The following ADGRB3 variants were observed in gnomAD, a reference collection of about 807,000 sequenced individuals.
ADGRB3 encodes the protein adhesion G protein-coupled receptor B3.
Under a neutral mutation model 193.4 loss-of-function variants are expected in ADGRB3, and 37 were observed. That is an observed-to-expected ratio of 0.19 (90% CI 0.15 to 0.25). ADGRB3 has a LOEUF of 0.25. Among genes scored for constraint, ADGRB3 ranks in the 10% least tolerant of loss-of-function variants. The probability of loss-of-function intolerance (pLI) is 1.00; values close to 1 mark genes in which losing one functional copy is unlikely to be tolerated. For missense variants in ADGRB3, 1,637 were observed against 1,852.9 expected (o/e 0.88, Z 2.14); for synonymous variants, 690 against 644.2 (o/e 1.07, Z -1.08).
intron 17 of ADGRB3, among the ~76,000 whole-genome samples, chr6:69,204,618 A>T (rs767653344): frequency 7.2e-5 from 11 of 152,194 alleles, no homozygotes; most frequent in Non-Finnish European, 1.0e-4. Context: ...TTTGAAAAAT[A>T]CATGAAGAGC....
intron 3 of ADGRB3, among the ~76,000 whole-genome samples, chr6:68,709,196 G>A (rs1173970536): frequency 6.6e-6 from 1 of 152,168 alleles, no homozygotes; most frequent in African/African-American, 2.4e-5. Context: ...ATGAGATGCA[G>A]ATACTTTAGA....
In ADGRB3 at chr6:68,638,672, T is replaced by C; in HGVS notation, c.-4T>C. 1 of 1,603,764 alleles carries C rather than the reference T, an allele frequency of 6.2e-7. No homozygotes were observed. The highest frequency in any genetic ancestry group is 8.5e-7 in the Non-Finnish European group (1 of 1,175,020). The stretch of plus-strand genomic sequence containing the variant: ...TGCCATTTTTACAGGCCAAATGACA[T>C]AGGATGAAGGCTGTTCGTAACCTGC... On this transcript the variant is annotated 5_prime_UTR_variant, in exon 3 of 32. An upstream open reading frame in the 5' UTR loses its in-frame stop. Coordinates refer to ENST00000370598, the MANE Select transcript of ADGRB3 (RefSeq NM_001704.3).
rs376899800 is a variant in ADGRB3 at position 69,043,332 on chromosome 6, G to GAAAGAA, written c.2108-4852_2108-4851insAAGAAA. On this transcript the variant is annotated intron_variant, in intron 13 of 31. Coordinates refer to ENST00000370598, the MANE Select transcript of ADGRB3 (RefSeq NM_001704.3). ...AGAAAGAAAGAAAGAAAGAAAGAAA[G>GAAAGAA]AGAAAGAAAAGAAGATTAAGTAAAA... 9.0e-5 allele frequency among the ~76,000 whole-genome samples: 12 copies of GAAAGAA among 133,806 alleles called. 1 individual carries two copies. Among genetic ancestry groups the GAAAGAA allele is most frequent in the South Asian group, 2.6e-4 (1 of 3,846 alleles). The allele number at this position is 133,806 out of a possible 152,430, so 87.8% of individuals were successfully genotyped here. A position where few individuals can be genotyped will look rare whatever the true frequency, so the allele number is the denominator to read the frequency against.
intron 17 of ADGRB3, among the ~76,000 whole-genome samples, chr6:69,224,613 T>A (rs1352743520): frequency 2.6e-5 from 4 of 152,176 alleles, no homozygotes; most frequent in Non-Finnish European, 5.9e-5. Context: ...ACCTTGGAAA[T>A]CTTTTTTAAT....
chr6:68,768,889 A>G (rs1228940128), intron 3 of ADGRB3, among the ~76,000 whole-genome samples: 1 of 152,224 alleles, frequency 6.6e-6, no homozygotes, highest in African/African-American at 2.4e-5. Flanking sequence ...ATATGAACAG[A>G]CACTTCTCAA....
intron 28 of ADGRB3, among the ~76,000 whole-genome samples, chr6:69,357,831 A>T (rs1407953781): frequency 1.3e-5 from 2 of 151,892 alleles, no homozygotes; most frequent in African/African-American, 2.4e-5. Context: ...GTCAGGATGC[A>T]GTCTCACTAG....
chr6:68,635,343 C>G lies in ADGRB3; in HGVS notation c.-845C>G, dbSNP rs1183537955. 1 of 152,184 alleles carries G rather than the reference C, an allele frequency of 6.6e-6. No homozygotes were observed. Among genetic ancestry groups the G allele is most frequent in the African/African-American group, 2.4e-5 (1 of 41,516 alleles). The allele number at this position is 152,184 out of a possible 1,614,324, so 9.4% of individuals were successfully genotyped here. On this transcript the variant is annotated 5_prime_UTR_variant, in exon 1 of 32. Coordinates refer to ENST00000370598, the MANE Select transcript of ADGRB3 (RefSeq NM_001704.3). ...ACTATCTCGCTCCCTCTCGCGCCTC[C>G]CTCCTCGCTGGGCATTCAAACAGCT...
At chr6:69,076,803 A>G (rs1044813824) in intron 17 of ADGRB3, among the ~76,000 whole-genome samples, 4 of 152,020 alleles carry the variant, frequency 2.6e-5, no homozygotes, top group Non-Finnish European at 4.4e-5. Flanking sequence ...AATCAATCCC[A>G]AAAGTAATCC....
At chr6:69,254,320 C>T (rs1211457834) in intron 20 of ADGRB3, among the ~76,000 whole-genome samples, 5 of 152,070 alleles carry the variant, frequency 3.3e-5, no homozygotes, top group Non-Finnish European at 7.4e-5. Flanking sequence ...TTATTCAAGA[C>T]GTAAAATAAG....
intron 3 of ADGRB3, among the ~76,000 whole-genome samples, chr6:68,705,406 T>A (rs927034044): frequency 5.9e-5 from 9 of 152,246 alleles, no homozygotes; most frequent in Non-Finnish European, 1.0e-4. Context: ...CATTGTAATG[T>A]AAATCAGCAT....
intron 20 of ADGRB3, among the ~76,000 whole-genome samples, chr6:69,254,768 A>G (rs1340856859): frequency 6.6e-6 from 1 of 151,540 alleles, no homozygotes; most frequent in South Asian, 2.1e-4. Flanking sequence ...CAGGTTAGTT[A>G]CATATGTATA....
intron 3 of ADGRB3, among the ~76,000 whole-genome samples, chr6:68,753,322 A>G (rs924597163): frequency 1.3e-5 from 2 of 152,228 alleles, no homozygotes; most frequent in South Asian, 2.1e-4. Context: ...GGAAAGTGGA[A>G]AAAGGGAAAA....
intron 3 of ADGRB3, among the ~76,000 whole-genome samples, chr6:68,709,276 G>T (rs554490195): frequency 1.3e-4 from 20 of 152,054 alleles, no homozygotes; most frequent in East Asian, 3.9e-4. Flanking sequence ...TTTCTTTTCC[G>T]GTTGAGATGG....
chr6:69,032,730 C>G (rs2150294407), intron 13 of ADGRB3, among the ~76,000 whole-genome samples: 1 of 152,250 alleles, frequency 6.6e-6, no homozygotes, highest in Non-Finnish European at 1.5e-5. Context: ...ACTAAAAATT[C>G]TGGCTCAGAT....
At chr6:68,681,743 G>T (rs1436591113) in intron 3 of ADGRB3, among the ~76,000 whole-genome samples, 1 of 152,038 alleles carries the variant, frequency 6.6e-6, no homozygotes, top group Admixed American at 6.6e-5. Flanking sequence ...GATTATAATA[G>T]GACTAGGCAC....
chr6:68,769,238 A>T (rs987667312), intron 3 of ADGRB3, among the ~76,000 whole-genome samples: 2 of 152,214 alleles, frequency 1.3e-5, no homozygotes, highest in African/African-American at 4.8e-5. Flanking sequence ...ACATATGCAC[A>T]TGTGTGTTTA....
chr6:68,703,148 T>A (rs188698162), intron 3 of ADGRB3, among the ~76,000 whole-genome samples: 2 of 152,304 alleles, frequency 1.3e-5, no homozygotes, highest in African/African-American at 4.8e-5. Context: ...TATAACTGTT[T>A]ACTGTAAAAT....
Position 69,050,226 on chromosome 6 carries a change from G to GA in ADGRB3, c.2333+889dup, listed in dbSNP as rs781014943. Among the ~76,000 whole-genome samples the GA allele has an allele frequency of 5.0e-3, 747 of 150,084 alleles. 2 individuals are homozygous for GA. Among genetic ancestry groups the GA allele is most frequent in the Non-Finnish European group, 5.8e-3 (391 of 66,870 alleles). ...AAAACAATTAGAGTTCAGTGCAGATGAAAAAAAAATCACCCAAGGAAGCAG... is the reference window on the plus strand; with the variant it reads ...AAAACAATTAGAGTTCAGTGCAGATGAAAAAAAAAATCACCCAAGGAAGCAG... On this transcript the variant is annotated intron_variant, in intron 15 of 31. Coordinates refer to ENST00000370598, the MANE Select transcript of ADGRB3 (RefSeq NM_001704.3).
chr6:68,816,937 G>C lies in ADGRB3; in HGVS notation c.758-113622G>C, dbSNP rs1014676087. ...GGTGCTATTCTCCCAACTATTACTT[G>C]GGAAATATGTAGAGAAAATGTCCTG... On this transcript the variant is annotated intron_variant, in intron 3 of 31. Coordinates refer to ENST00000370598, the MANE Select transcript of ADGRB3 (RefSeq NM_001704.3). Among the ~76,000 whole-genome samples, 8 of 151,822 alleles carry C rather than the reference G, an allele frequency of 5.3e-5. No homozygotes were observed. The East Asian group carries it at 1.4e-3, about 26-fold the overall frequency.
Sources: gnomAD v4.1 joint callset for allele counts (sites outside exome capture counted in the v4.1 genomes callset) on GRCh38, gnomAD v4.1.1 for gene constraint, MANE v1.5 for transcripts, NCBI Gene and HGNC (gene_info 2026-07-23, HGNC 2026-07-21) for gene names.